PDE4D: variants seen among roughly 807,000 people sequenced by gnomAD.
The protein encoded by PDE4D is 3',5'-cyclic-AMP phosphodiesterase 4D.
A neutral mutation model predicts 87.4 loss-of-function variants in PDE4D; 24 were observed. That is an observed-to-expected ratio of 0.27 (90% CI 0.20 to 0.39). The LOEUF (loss-of-function observed/expected upper bound fraction) is 0.39. Among genes scored for constraint, PDE4D ranks in the 10% least tolerant of loss-of-function variants. PDE4D has a pLI of 1.00. For missense variants in PDE4D, 714 were observed against 1,041.0 expected (o/e 0.69, Z 4.32); for synonymous variants, 384 against 383.2 (o/e 1.00, Z -0.02).
intron 1 of PDE4D, among the ~76,000 whole-genome samples, chr5:60,351,735 T>C (rs1759209939): frequency 6.6e-6 from 1 of 152,092 alleles, no homozygotes; most frequent in African/African-American, 2.4e-5. Flanking sequence ...TATGAAGCAA[T>C]GAATAGTCTC....
chr5:59,594,089 A>G (rs11950308), intron 1 of PDE4D, among the ~76,000 whole-genome samples: 17,940 of 151,480 alleles, frequency 0.12, 1,234 homozygotes, highest in African/African-American at 0.17. Flanking sequence ...CCTACCATCA[A>G]GGAGAAAGGA....
intron 2 of PDE4D, among the ~76,000 whole-genome samples, chr5:60,036,101 A>T (rs545353511): frequency 1.3e-5 from 2 of 152,360 alleles, no homozygotes; most frequent in African/African-American, 2.4e-5. Flanking sequence ...TACCTGGAAG[A>T]TCATATTCAT....
At chr5:59,384,622 T>C (rs1419815335) in intron 1 of PDE4D, among the ~76,000 whole-genome samples, 1 of 152,128 alleles carries the variant, frequency 6.6e-6, no homozygotes, top group East Asian at 1.9e-4. Context: ...ATTATGCACA[T>C]ATAATTTTAA....
intron 1 of PDE4D, among the ~76,000 whole-genome samples, chr5:60,285,834 T>A (rs530711830): frequency 6.6e-6 from 1 of 152,178 alleles, no homozygotes; most frequent in Non-Finnish European, 1.5e-5. Context: ...CCCTGGCATG[T>A]GAGTGGCAGT....
intron 1 of PDE4D, among the ~76,000 whole-genome samples, chr5:59,563,015 A>G (rs1475572990): frequency 2.0e-5 from 3 of 152,204 alleles, no homozygotes; most frequent in Non-Finnish European, 4.4e-5. Flanking sequence ...ATTAAGGTGC[A>G]TGTGATTTGG....
chr5:59,338,702 A>T (rs761518517), intron 1 of PDE4D, among the ~76,000 whole-genome samples: 8 of 152,206 alleles, frequency 5.3e-5, no homozygotes, highest in Non-Finnish European at 1.0e-4. Context: ...AGAACTCAAG[A>T]GCAAGTATGC....
chr5:59,209,249 A>T (rs1749528497), intron 2 of PDE4D, among the ~76,000 whole-genome samples: 4 of 151,976 alleles, frequency 2.6e-5, no homozygotes, highest in Non-Finnish European at 1.5e-5. Context: ...GCAGTGGCTC[A>T]ATCGTGGCTC....
At chr5:59,334,727 T>C (rs1777371534) in intron 1 of PDE4D, among the ~76,000 whole-genome samples, 1 of 152,158 alleles carries the variant, frequency 6.6e-6, no homozygotes, top group Non-Finnish European at 1.5e-5. Context: ...CAAAACCATA[T>C]TAATATTGGA....
intron 1 of PDE4D, among the ~76,000 whole-genome samples, chr5:60,365,966 C>T (rs1484245485): frequency 6.6e-6 from 1 of 151,710 alleles, no homozygotes; most frequent in Non-Finnish European, 1.5e-5. Context: ...ATTGCTTTAA[C>T]CCAGGAGGCA....
chr5:59,046,948 C>CAATTCATACAATTCATACAA (rs1760806287), intron 5 of PDE4D, among the ~76,000 whole-genome samples: 1 of 152,182 alleles, frequency 6.6e-6, no homozygotes, highest in Non-Finnish European at 1.5e-5. Flanking sequence ...CTCTATTCCA[C>CAATTCATACAATTCATACAA]TTCATACAAG....
chr5:59,513,295 C>T (rs1810570545), intron 1 of PDE4D, among the ~76,000 whole-genome samples: 1 of 152,048 alleles, frequency 6.6e-6, no homozygotes, highest in Non-Finnish European at 1.5e-5. Flanking sequence ...AAATATTTTG[C>T]AACTCTGTAT....
At chr5:59,512,099 T>C (rs1582924766) in intron 1 of PDE4D, among the ~76,000 whole-genome samples, 1 of 152,150 alleles carries the variant, frequency 6.6e-6, no homozygotes, top group African/African-American at 2.4e-5. Context: ...CTCACAGTCA[T>C]GTAAAATGTC....
chr5:59,580,988 A>G (rs2153699861), intron 1 of PDE4D, among the ~76,000 whole-genome samples: 2 of 152,318 alleles, frequency 1.3e-5, no homozygotes, highest in African/African-American at 4.8e-5. Context: ...ATTTTACACA[A>G]CATAATCCCT....
chr5:59,222,328 T>C (rs1752733838), intron 1 of PDE4D, among the ~76,000 whole-genome samples: 1 of 152,196 alleles, frequency 6.6e-6, no homozygotes, highest in Non-Finnish European at 1.5e-5. Flanking sequence ...GTTTAAACTT[T>C]TCCCAATTTA....
chr5:59,070,805 C>T (rs981098412), intron 5 of PDE4D, among the ~76,000 whole-genome samples: 5 of 152,134 alleles, frequency 3.3e-5, no homozygotes, highest in South Asian at 4.1e-4. Context: ...GGCTCAAACA[C>T]ATCAAGAATT....
intron 1 of PDE4D, among the ~76,000 whole-genome samples, chr5:59,331,068 AT>A (rs1274105540): frequency 4.3e-4 from 65 of 152,276 alleles, no homozygotes; most frequent in African/African-American, 1.5e-3. Flanking sequence ...GTAGTAGTTG[AT>A]AGTGTCAACT....
rs1156321402 is a variant in PDE4D at position 59,200,204 on chromosome 5, TATAG to T, written c.648-6672_648-6669del. ...ATATATGTATACATACACGTGTATG[TATAG>T]ATACACGTGTATGTATACATACATA... On this transcript the variant is annotated intron_variant, in intron 2 of 14. Transcript: ENST00000340635. 8.2e-5 allele frequency among the ~76,000 whole-genome samples: 11 copies of T among 134,842 alleles called. 1 individual carries two copies. Among genetic ancestry groups the T allele is most frequent in the Non-Finnish European group, 8.3e-5 (5 of 60,080 alleles). The allele number at this position is 134,842 out of a possible 152,430, so 88.5% of individuals were successfully genotyped here.
intron 1 of PDE4D, among the ~76,000 whole-genome samples, chr5:60,445,313 A>T (rs1314959219): frequency 6.6e-6 from 1 of 152,232 alleles, no homozygotes; most frequent in Non-Finnish European, 1.5e-5. Flanking sequence ...GAAATCAATG[A>T]ATTATATTAA....
intron 3 of PDE4D, among the ~76,000 whole-genome samples, chr5:59,956,793 G>A (rs1335147479): frequency 6.6e-6 from 1 of 152,058 alleles, no homozygotes; most frequent in Non-Finnish European, 1.5e-5. Context: ...AATCTGAGAG[G>A]TGAAACTGGC....
Sources: allele counts gnomAD v4.1 joint callset (sites outside exome capture counted in the v4.1 genomes callset), GRCh38; gene constraint gnomAD v4.1.1; transcripts MANE v1.5; gene names NCBI Gene and HGNC (gene_info 2026-07-23, HGNC 2026-07-21).